The following TTC29 variants were observed in gnomAD, a reference collection of about 807,000 sequenced individuals.
The protein encoded by TTC29 is tetratricopeptide repeat protein 29.
A neutral mutation model predicts 58.1 loss-of-function variants in TTC29; 49 were observed. The ratio of observed to expected loss-of-function variants is 0.84; its 90% CI spans 0.67 to 1.07. TTC29 has a LOEUF of 1.07. TTC29 is among the 50% of genes least tolerant of loss of function. The pLI, the probability that TTC29 is intolerant of heterozygous loss-of-function variation, is 0.00. For missense variants in TTC29, 582 were observed against 555.6 expected (o/e 1.05, Z -0.48); for synonymous variants, 209 against 196.8 (o/e 1.06, Z -0.52).
intron 4 of TTC29, among the ~76,000 whole-genome samples, chr4:146,910,646 G>A (rs185243930): frequency 6.6e-6 from 1 of 152,072 alleles, no homozygotes; most frequent in African/African-American, 2.4e-5. Context: ...CAGAGTCAGG[G>A]AACTGACATG....
At chr4:146,741,437 G>A (rs181785163) in intron 11 of TTC29, among the ~76,000 whole-genome samples, 40 of 152,066 alleles carry the variant, frequency 2.6e-4, no homozygotes, top group African/African-American at 9.2e-4. Context: ...TCCAACAATG[G>A]GCAGAGATAT....
intron 7 of TTC29, among the ~76,000 whole-genome samples, chr4:146,867,967 T>TAAG: frequency 6.6e-6 from 1 of 152,308 alleles, no homozygotes; most frequent in East Asian, 1.9e-4. Flanking sequence ...TACAGTCATC[T>TAAG]AGCATAGTTG....
intron 4 of TTC29, among the ~76,000 whole-genome samples, chr4:146,923,233 A>T (rs1163340327): frequency 6.6e-6 from 1 of 151,896 alleles, no homozygotes; most frequent in Non-Finnish European, 1.5e-5. Flanking sequence ...TAAGATAAAA[A>T]TTCTTTAGCC....
chr4:146,729,988 T>G (rs1021920558), intron 11 of TTC29, among the ~76,000 whole-genome samples: 1 of 151,908 alleles, frequency 6.6e-6, no homozygotes, highest in Non-Finnish European at 1.5e-5. Context: ...TGACACTCTT[T>G]CATGGATTCT....
intron 11 of TTC29, among the ~76,000 whole-genome samples, chr4:146,791,115 A>G (rs2150102585): frequency 6.6e-6 from 1 of 152,294 alleles, no homozygotes; most frequent in Admixed American, 6.5e-5. Flanking sequence ...AGAATTCTCA[A>G]TTTGTGAATA....
intron 11 of TTC29, among the ~76,000 whole-genome samples, chr4:146,761,358 A>G (rs1177408348): frequency 2.6e-5 from 4 of 151,978 alleles, no homozygotes; most frequent in African/African-American, 9.7e-5. Flanking sequence ...TCCACAAATT[A>G]GAGTGGGTCA....
intron 10 of TTC29, among the ~76,000 whole-genome samples, chr4:146,814,047 T>C (rs904469045): frequency 2.0e-5 from 3 of 152,212 alleles, no homozygotes; most frequent in African/African-American, 7.2e-5. Context: ...GAGAGAATAC[T>C]ACTCTTAAGT....
chr4:146,774,358 G>A (rs1033863725), intron 11 of TTC29, among the ~76,000 whole-genome samples: 1 of 151,992 alleles, frequency 6.6e-6, no homozygotes, highest in Non-Finnish European at 1.5e-5. Context: ...TTTTGATGTG[G>A]GTGTTCAGCC....
chr4:146,722,709 A>AT, intron 11 of TTC29, among the ~76,000 whole-genome samples: 1 of 151,646 alleles, frequency 6.6e-6, no homozygotes. Flanking sequence ...TTTTATTTTT[A>AT]TTTTTTTGAG....
At chr4:146,715,856 G>A (rs941445034) in intron 11 of TTC29, among the ~76,000 whole-genome samples, 4 of 152,030 alleles carry the variant, frequency 2.6e-5, no homozygotes, top group Non-Finnish European at 2.9e-5. Context: ...TTGTAAACAC[G>A]TATCAAAATA....
intron 11 of TTC29, among the ~76,000 whole-genome samples, chr4:146,720,956 G>A (rs560804024): frequency 1.3e-5 from 2 of 152,192 alleles, no homozygotes; most frequent in South Asian, 2.1e-4. Flanking sequence ...AGGTGCTTGG[G>A]TGCAGTTTGT....
At chr4:146,887,959 C>T (rs990637080) in intron 6 of TTC29, among the ~76,000 whole-genome samples, 4 of 151,968 alleles carry the variant, frequency 2.6e-5, no homozygotes, top group East Asian at 1.9e-4. Context: ...AGCAGAAAAG[C>T]CTTCATGCTC....
chr4:146,747,955 T>A (rs1745672989), intron 11 of TTC29, among the ~76,000 whole-genome samples: 1 of 152,158 alleles, frequency 6.6e-6, no homozygotes. Context: ...GCTGTGCTGT[T>A]CCCCACCCGC....
At chr4:146,806,416 C>T (rs1750618907) in intron 10 of TTC29, among the ~76,000 whole-genome samples, 1 of 152,120 alleles carries the variant, frequency 6.6e-6, no homozygotes, top group Non-Finnish European at 1.5e-5. Context: ...CTAAATGCCC[C>T]AATTAATAAA....
chr4:146,721,381 G>C (rs1368551306), intron 11 of TTC29, among the ~76,000 whole-genome samples: 2 of 152,058 alleles, frequency 1.3e-5, no homozygotes, highest in Admixed American at 6.6e-5. Flanking sequence ...GTCATTTCTG[G>C]AGAAATTTTT....
At chr4:146,913,364 C>G (rs1734018296) in intron 4 of TTC29, among the ~76,000 whole-genome samples, 1 of 152,114 alleles carries the variant, frequency 6.6e-6, no homozygotes, top group Non-Finnish European at 1.5e-5. Flanking sequence ...CTCATTTTCC[C>G]CACCTGGAAG....
chr4:146,836,953 A>G (rs1728551109), intron 8 of TTC29, among the ~76,000 whole-genome samples: 1 of 152,118 alleles, frequency 6.6e-6, no homozygotes, highest in Non-Finnish European at 1.5e-5. Flanking sequence ...TCAAAGGGCT[A>G]GAAACAGAAC....
In TTC29 at chr4:146,897,944, A is replaced by T. The variant is rs567118337; in HGVS notation, c.586+5600T>A. Reference sequence around the variant, plus strand: ...TATCAGCAGGAATGACCCCTGGAAAACTGAGGAGTGGGAGACCTACAGGGT... The same window carrying T: ...TATCAGCAGGAATGACCCCTGGAAATCTGAGGAGTGGGAGACCTACAGGGT... On this transcript the variant is annotated intron_variant, in intron 6 of 12. Transcript: ENST00000325106. Among the ~76,000 whole-genome samples the T allele has an allele frequency of 4.7e-4, 71 of 152,278 alleles. 1 individual carries two copies. Among genetic ancestry groups the T allele is most frequent in the Non-Finnish European group, 8.7e-4 (59 of 68,012 alleles).
At chr4:146,718,492 G>C (rs992508204) in intron 11 of TTC29, among the ~76,000 whole-genome samples, 1 of 152,020 alleles carries the variant, frequency 6.6e-6, no homozygotes, top group East Asian at 1.9e-4. Flanking sequence ...ATGTCTGTTC[G>C]CCACTTATGT....
Sources: allele counts gnomAD v4.1 joint callset (sites outside exome capture counted in the v4.1 genomes callset), GRCh38; gene constraint gnomAD v4.1.1; transcripts MANE v1.5; gene names NCBI Gene and HGNC (gene_info 2026-07-23, HGNC 2026-07-21).